Variants in HDAC9 observed in about 807,000 individuals in gnomAD.
HDAC9 encodes MEF-2 interacting transcription repressor (MITR) protein.
HDAC9 carries 41 observed loss-of-function variants against 139.4 expected under a neutral mutation model. The observed-to-expected ratio is 0.29, with a 90% CI of 0.23 to 0.38. HDAC9 has a LOEUF of 0.38. Ranked by LOEUF, HDAC9 falls within the 10% of genes least tolerant of loss-of-function variation. The pLI is 1.00. For missense variants in HDAC9, 1,147 were observed against 1,297.0 expected (o/e 0.88, Z 1.78); for synonymous variants, 517 against 476.2 (o/e 1.09, Z -1.12).
At chr7:18,814,595 C>A (rs957423079) in intron 17 of HDAC9, among the ~76,000 whole-genome samples, 1 of 152,112 alleles carries the variant, frequency 6.6e-6, no homozygotes, top group Non-Finnish European at 1.5e-5. Flanking sequence ...GCTCACCCCC[C>A]ACCCCAACTT....
At chr7:18,535,211 C>A (rs936566667) in intron 2 of HDAC9, among the ~76,000 whole-genome samples, 1 of 152,040 alleles carries the variant, frequency 6.6e-6, no homozygotes, top group Non-Finnish European at 1.5e-5. Flanking sequence ...CATTTTAATT[C>A]TTTTACTGTC....
chr7:18,298,310 A>G (rs1293211572), intron 1 of HDAC9, among the ~76,000 whole-genome samples: 2 of 150,492 alleles, frequency 1.3e-5, no homozygotes, highest in Non-Finnish European at 3.0e-5. Flanking sequence ...TTATACTTTA[A>G]GTTTTAGGGT....
At position 18,376,628 on chromosome 7, in the gene HDAC9, A is replaced by C. The variant is rs550448280; in HGVS notation, c.-42+86113A>C. On this transcript the variant is annotated intron_variant, in intron 1 of 3. Coordinates refer to the HDAC9 transcript ENST00000413509. ...TCTGGTTAATAACCATAAAACTAACATGAGCCTCCCTTCCTTTTGCTTAAA... is the reference window on the plus strand; with the variant it reads ...TCTGGTTAATAACCATAAAACTAACCTGAGCCTCCCTTCCTTTTGCTTAAA... Among the ~76,000 whole-genome samples, 156 of 152,270 alleles carry C rather than the reference A, an allele frequency of 1.0e-3. 1 individual carries two copies. The highest frequency in any genetic ancestry group is 3.6e-3 in the African/African-American group (149 of 41,568).
At chr7:18,932,856 G>GAAAGAAAGAAAGA (rs1563067034) in intron 22 of HDAC9, among the ~76,000 whole-genome samples, 1 of 150,226 alleles carries the variant, frequency 6.7e-6, no homozygotes, top group African/African-American at 2.5e-5. Flanking sequence ...AAAAAAGAAA[G>GAAAGAAAGAAAGA]AAAGAAAGAA....
At chr7:18,180,487 T>G (rs1165323824) in intron 2 of HDAC9, among the ~76,000 whole-genome samples, 1 of 152,096 alleles carries the variant, frequency 6.6e-6, no homozygotes, top group Admixed American at 6.6e-5. Context: ...ACAATTTCCA[T>G]CCTGCGGCCA....
intron 11 of HDAC9, among the ~76,000 whole-genome samples, chr7:18,653,167 G>A (rs377598618): frequency 2.3e-4 from 35 of 150,980 alleles, no homozygotes; most frequent in African/African-American, 8.3e-4. Context: ...GAACCCAGGA[G>A]GCAGAGGTTG....
chr7:18,462,078 T>A (rs1253069870), intron 1 of HDAC9, among the ~76,000 whole-genome samples: 2 of 151,662 alleles, frequency 1.3e-5, no homozygotes, highest in African/African-American at 2.4e-5. Context: ...TAAATAGTTA[T>A]AAAACTCAGA....
At position 18,333,558 on chromosome 7, in the gene HDAC9, C is replaced by G. The variant is rs1781364617; in HGVS notation, c.-42+43043C>G. Among the ~76,000 whole-genome samples, 4 of 151,426 alleles carry G rather than the reference C, an allele frequency of 2.6e-5. No homozygotes were observed. In the South Asian group the frequency reaches 8.3e-4, roughly 31 times the overall value. Reference sequence around the variant, plus strand: ...AATGTGTTTTTAAAACACTTGCAATCATAGGTTATTTAGAAAATAGTAACA... The same window carrying G: ...AATGTGTTTTTAAAACACTTGCAATGATAGGTTATTTAGAAAATAGTAACA... On this transcript the variant is annotated intron_variant, in intron 1 of 3. Coordinates refer to the HDAC9 transcript ENST00000413509.
intron 1 of HDAC9, among the ~76,000 whole-genome samples, chr7:18,375,254 C>G (rs6948773): frequency 6.6e-6 from 1 of 151,960 alleles, no homozygotes; most frequent in Non-Finnish European, 1.5e-5. Flanking sequence ...CGGATTACCT[C>G]AGTTCAGGAG....
intron 1 of HDAC9, among the ~76,000 whole-genome samples, chr7:18,150,507 G>C (rs1786697455): frequency 6.6e-6 from 1 of 152,184 alleles, no homozygotes; most frequent in Non-Finnish European, 1.5e-5. Flanking sequence ...TGAAAAGCAT[G>C]ATTATAAAAA....
rs576340333 is a variant in HDAC9, at chr7:18,990,369, G to T, written c.3171-5654G>T. 2.6e-3 allele frequency among the ~76,000 whole-genome samples: 396 copies of T among 152,314 alleles called. 3 individuals carry two copies. Among genetic ancestry groups the T allele is most frequent in the African/African-American group, 9.1e-3 (378 of 41,582 alleles). Reference sequence around the variant, plus strand: ...CCCAGTTAGGCTGCTCGTGGGTCAGGGGTCAGGGACCCACTTGAGGAGGCA... The same window carrying T: ...CCCAGTTAGGCTGCTCGTGGGTCAGTGGTCAGGGACCCACTTGAGGAGGCA... On this transcript the variant is annotated intron_variant, in intron 25 of 25. Transcript: ENST00000686413.
chr7:18,905,475 C>T (rs1157255157), intron 22 of HDAC9, among the ~76,000 whole-genome samples: 3 of 152,152 alleles, frequency 2.0e-5, no homozygotes, highest in Non-Finnish European at 4.4e-5. Flanking sequence ...TAGTGTGATA[C>T]TTATAGTTTC....
At chr7:18,677,983 T>C (rs1781630482) in intron 12 of HDAC9, among the ~76,000 whole-genome samples, 1 of 151,916 alleles carries the variant, frequency 6.6e-6, no homozygotes, top group South Asian at 2.1e-4. Context: ...TTAATTTTTA[T>C]ATGATGTGAA....
At chr7:18,434,614 C>T (rs1791001701) in intron 1 of HDAC9, among the ~76,000 whole-genome samples, 1 of 152,098 alleles carries the variant, frequency 6.6e-6, no homozygotes, top group Admixed American at 6.5e-5. Flanking sequence ...AGAACACAAA[C>T]CCATGACCAA....
At chr7:18,303,585 G>A (rs1195465995) in intron 1 of HDAC9, among the ~76,000 whole-genome samples, 2 of 152,124 alleles carry the variant, frequency 1.3e-5, no homozygotes, top group Non-Finnish European at 2.9e-5. Flanking sequence ...AAGCATAGGT[G>A]CTGGAGTCCA....
chr7:18,596,359 C>T (rs1323876709), intron 6 of HDAC9, among the ~76,000 whole-genome samples: 1 of 151,952 alleles, frequency 6.6e-6, no homozygotes, highest in Non-Finnish European at 1.5e-5. Flanking sequence ...TAGAGATGCC[C>T]TTCATTAATT....
intron 2 of HDAC9, among the ~76,000 whole-genome samples, chr7:18,170,765 G>T (rs998613977): frequency 6.6e-6 from 1 of 152,108 alleles, no homozygotes. Flanking sequence ...TAGATGTGTG[G>T]TGTTATTTCT....
intron 1 of HDAC9, among the ~76,000 whole-genome samples, chr7:18,416,085 G>A (rs1789032417): frequency 6.6e-6 from 1 of 152,124 alleles, no homozygotes; most frequent in East Asian, 1.9e-4. Flanking sequence ...CCTGAGGTCA[G>A]GAGTTTGAGA....
chr7:18,930,050 T>C (rs1181076041), intron 22 of HDAC9, among the ~76,000 whole-genome samples: 1 of 152,184 alleles, frequency 6.6e-6, no homozygotes, highest in Non-Finnish European at 1.5e-5. Flanking sequence ...TCAAGGCTGA[T>C]TTTTAGTCAG....
Sources: allele counts gnomAD v4.1 joint callset (sites outside exome capture counted in the v4.1 genomes callset), GRCh38; gene constraint gnomAD v4.1.1; transcripts MANE v1.5; gene names NCBI Gene and HGNC (gene_info 2026-07-23, HGNC 2026-07-21).